The following MAP3K2 variants were observed in gnomAD, a reference collection of about 807,000 sequenced individuals.
MAP3K2 encodes the protein mitogen-activated protein kinase kinase kinase 2, also known as MAP/ERK kinase kinase 2.
MAP3K2 carries 24 observed loss-of-function variants against 80.3 expected under a neutral mutation model. The observed-to-expected ratio is 0.30, with a 90% confidence interval of 0.22 to 0.42. The LOEUF (loss-of-function observed/expected upper bound fraction) is 0.42, where lower values mean the gene tolerates loss of function less well. Ranked by LOEUF, MAP3K2 falls within the 10% of genes least tolerant of loss-of-function variation. MAP3K2 has a pLI of 1.00. For missense variants in MAP3K2, 608 were observed against 750.1 expected (o/e 0.81, Z 2.21); for synonymous variants, 244 against 253.7 (o/e 0.96, Z 0.36).
rs975023410 is a variant in MAP3K2 at position 127,304,428 on chromosome 2, A to C, written c.*3151T>G. The C allele has an allele frequency of 2.0e-5, 3 of 152,146 alleles. No individual in the cohort carries two copies. The highest frequency in any genetic ancestry group is 7.2e-5 in the African/African-American group (3 of 41,442). The allele number at this position is 152,146 out of a possible 1,614,324, so 9.4% of individuals were successfully genotyped here. On this transcript the variant is annotated 3_prime_UTR_variant, in exon 17 of 17. Transcript: ENST00000682094. Reference sequence around the variant, plus strand: ...CCAAGCCTAAGTCATGCCACTTTGAATCTCTCAAGGCCTTAAGTAGAAAGA... The same window carrying C: ...CCAAGCCTAAGTCATGCCACTTTGACTCTCTCAAGGCCTTAAGTAGAAAGA...
At chr2:127,384,410 A>G (rs939151557) in intron 1 of MAP3K2, among the ~76,000 whole-genome samples, 2 of 152,074 alleles carry the variant, frequency 1.3e-5, no homozygotes, top group African/African-American at 4.8e-5. Flanking sequence ...TAAATTGAAA[A>G]CCTTCTGGAA....
rs1193184974 is a variant in MAP3K2 at position 127,326,696 on chromosome 2, G to A, written c.588C>T (p.Ser196=). Residue 196 remains serine, a synonymous_variant, in exon 8 of 17, where the codon AGC becomes AGT. Transcript: ENST00000682094. ...INSEGEFIPE[S]MDQMLDPLSL... ...TCAAACTTTTGCTTACTTGGTCCAT[G>A]CTCTCTGGAATGAACTCTCCTTCAC... is the stretch of plus-strand genomic sequence containing the variant. The A allele has an allele frequency of 1.3e-6, 2 of 1,583,778 alleles. No homozygotes were observed. The highest frequency in any genetic ancestry group is 1.7e-6 in the Non-Finnish European group (2 of 1,167,926).
rs1467790001 is a variant in MAP3K2, at chr2:127,300,326, T to C, written c.*7253A>G. 2 of 152,152 alleles carry C rather than the reference T, an allele frequency of 1.3e-5. No homozygotes were observed. Among genetic ancestry groups the C allele is most frequent in the African/African-American group, 2.4e-5 (1 of 41,454 alleles). 9.4% of individuals were successfully genotyped at this position (152,152 alleles called of 1,614,324 possible). ...GTCAATCTTAATAGGAAAAAAACCC[T>C]TTGTACATAATTATAAACTGCCCAG... On this transcript the variant is annotated 3_prime_UTR_variant, in exon 17 of 17. Coordinates refer to ENST00000682094, the MANE Select transcript of MAP3K2 (RefSeq NM_001371910.2).
At chr2:127,379,112 G>C (rs576310426) in intron 1 of MAP3K2, among the ~76,000 whole-genome samples, 91 of 151,340 alleles carry the variant, frequency 6.0e-4, no homozygotes, top group African/African-American at 2.2e-3. Context: ...ATGAGCCATG[G>C]TGCCTGGCCT....
chr2:127,346,201 T>C (rs1686592195), intron 1 of MAP3K2, among the ~76,000 whole-genome samples: 1 of 151,786 alleles, frequency 6.6e-6, no homozygotes, highest in African/African-American at 2.4e-5. Flanking sequence ...TGTTAACAAC[T>C]GTACATCAAC....
At chr2:127,325,860 C>G (rs778672516) in intron 8 of MAP3K2, 53 bp from the exon 9 acceptor site, 19 of 1,304,076 alleles carry the variant, frequency 1.5e-5, no homozygotes, top group Non-Finnish European at 2.1e-5. Context: ...CCAAAAGTTG[C>G]TTATTAAAAA....
At chr2:127,346,392 A>G (rs1199484119) in intron 1 of MAP3K2, among the ~76,000 whole-genome samples, 1 of 145,532 alleles carries the variant, frequency 6.9e-6, no homozygotes, top group Admixed American at 7.2e-5. Flanking sequence ...CATTTACAGA[A>G]TTTACAAAAA....
At chr2:127,387,195 G>A (rs1197683819) in intron 1 of MAP3K2, among the ~76,000 whole-genome samples, 1 of 152,072 alleles carries the variant, frequency 6.6e-6, no homozygotes, top group Non-Finnish European at 1.5e-5. Context: ...TAAAATCTCT[G>A]CAGGGTACGT....
At chr2:127,367,012 A>G (rs1367675446) in intron 1 of MAP3K2, among the ~76,000 whole-genome samples, 3 of 151,880 alleles carry the variant, frequency 2.0e-5, no homozygotes, top group Admixed American at 1.3e-4. Flanking sequence ...CTGGGATTAC[A>G]GGCATGCACC....
intron 4 of MAP3K2, among the ~76,000 whole-genome samples, chr2:127,336,697 T>C (rs1686379176): frequency 1.3e-5 from 2 of 152,266 alleles, no homozygotes; most frequent in South Asian, 2.1e-4. Flanking sequence ...GGAAAATAGA[T>C]TGGATAGTTC....
chr2:127,305,193 AG>A lies in MAP3K2; in HGVS notation c.*2385del, dbSNP rs1180418948. On this transcript the variant is annotated 3_prime_UTR_variant, in exon 17 of 17. Coordinates refer to ENST00000682094, the MANE Select transcript of MAP3K2 (RefSeq NM_001371910.2). ...CCCTGACAGACCAAAAACGAGCCAA[AG>A]GAAAAGCACAACTACACAAGACAGA... 6.6e-6 allele frequency: 1 copy of A among 152,592 alleles called. No homozygotes were observed. The allele number at this position is 152,592 out of a possible 1,614,324, so 9.5% of individuals were successfully genotyped here.
chr2:127,319,164 T>C (rs1256924585), intron 12 of MAP3K2, among the ~76,000 whole-genome samples: 2 of 146,054 alleles, frequency 1.4e-5, no homozygotes, highest in East Asian at 2.0e-4. Context: ...CTTCAGCCGC[T>C]GGAGAAAGCA....
intron 1 of MAP3K2, among the ~76,000 whole-genome samples, chr2:127,352,346 T>A (rs1476528366): frequency 6.6e-6 from 1 of 152,136 alleles, no homozygotes; most frequent in East Asian, 1.9e-4. Context: ...TAAATATCCA[T>A]TACAGCTTCC....
chr2:127,360,141 AC>A (rs1686859102), intron 1 of MAP3K2, among the ~76,000 whole-genome samples: 1 of 152,242 alleles, frequency 6.6e-6, no homozygotes, highest in African/African-American at 2.4e-5. Context: ...AAATGGTTAA[AC>A]AAATTGTGGT....
intron 1 of MAP3K2, among the ~76,000 whole-genome samples, chr2:127,357,500 A>G (rs1167423835): frequency 6.6e-6 from 1 of 152,234 alleles, no homozygotes; most frequent in African/African-American, 2.4e-5. Flanking sequence ...ACAGAAGAAT[A>G]GAACAGAACA....
At chr2:127,384,043 G>A (rs564997484) in intron 1 of MAP3K2, among the ~76,000 whole-genome samples, 2 of 150,972 alleles carry the variant, frequency 1.3e-5, no homozygotes, top group African/African-American at 4.9e-5. Context: ...CCGGCTAGTG[G>A]TTTTTTTTGT....
intron 1 of MAP3K2, among the ~76,000 whole-genome samples, chr2:127,381,438 T>A (rs1687244870): frequency 6.6e-6 from 1 of 151,996 alleles, no homozygotes; most frequent in African/African-American, 2.4e-5. Flanking sequence ...AACGATACTT[T>A]GAATACTTTG....
chr2:127,321,073 T>C lies in MAP3K2; in HGVS notation c.1045+973A>G, dbSNP rs551124259. Among the ~76,000 whole-genome samples the C allele has an allele frequency of 2.8e-4, 42 of 152,174 alleles. No homozygotes were observed. The highest frequency in any genetic ancestry group is 5.0e-4 in the Non-Finnish European group (34 of 68,014). ...AGGCAGAGGTTGCAATGAGTTGAGA[T>C]TGCACCACAGCCTGAGTGACAGAGT... On this transcript the variant is annotated intron_variant, in intron 12 of 16. Transcript: ENST00000682094. The surrounding 1 kb of genome is among the most constrained non-coding windows in gnomAD (Gnocchi z 4.4).
rs939597432 is a variant in MAP3K2 at position 127,339,208 on chromosome 2, T to C, written c.5-158A>G. Among the ~76,000 whole-genome samples the C allele has an allele frequency of 7.9e-5, 12 of 152,214 alleles. No individual in the cohort carries two copies. On this transcript the variant is annotated intron_variant, in intron 2 of 16. Transcript: ENST00000682094. This position sits in a 1 kb window ranked among gnomAD's most constrained non-coding sequence, Gnocchi z 4.2. ...ACATTTTTAATGCCTACACTTTTGG[T>C]AAAATAAAATTGCACTAGACTTAAT...
Sources: gnomAD v4.1 joint callset for allele counts (sites outside exome capture counted in the v4.1 genomes callset) on GRCh38, gnomAD v4.1.1 for gene constraint, Gnocchi (gnomAD v3.1) non-coding constraint, MANE v1.5 for transcripts, NCBI Gene and HGNC (gene_info 2026-07-23, HGNC 2026-07-21) for gene names.